Variants in CYB5R3 observed in about 807,000 individuals in gnomAD.
CYB5R3 encodes NADH-cytochrome b5 reductase 3.
In CYB5R3, 28 loss-of-function variants were observed where a neutral mutation model predicts 36.5. The ratio of observed to expected loss-of-function variants is 0.77; its 90% confidence interval spans 0.57 to 1.05. The LOEUF (loss-of-function observed/expected upper bound fraction) is 1.05. Ranked by LOEUF, CYB5R3 falls within the 50% of genes least tolerant of loss-of-function variation. CYB5R3 has a pLI of 0.00. For synonymous variants in CYB5R3, 181 were observed against 159.8 expected, an observed-to-expected ratio of 1.13 and a Z score of -1.00; for missense variants, 474 against 408.9, an observed-to-expected ratio of 1.16 and a Z score of -1.37.
rs1345033064 is a variant in CYB5R3 at position 42,642,814 on chromosome 22, A to G, written c.22-5968T>C. Among the ~76,000 whole-genome samples, 3 of 152,380 alleles carry G rather than the reference A, an allele frequency of 2.0e-5. No homozygotes were observed. In the East Asian group the frequency reaches 5.8e-4, roughly 29 times the overall value. The stretch of plus-strand genomic sequence containing the variant: ...GTTCAACTAGAGAGGCTGAGAAGCC[A>G]AAGTTCATATAAAACACTGGCTCTC... On this transcript the variant is annotated intron_variant, in intron 1 of 8. Coordinates refer to ENST00000352397, the MANE Select transcript of CYB5R3 (RefSeq NM_000398.7).
chr22:42,646,320 C>G (rs1213380389), intron 1 of CYB5R3, among the ~76,000 whole-genome samples: 5 of 152,180 alleles, frequency 3.3e-5, no homozygotes, highest in Non-Finnish European at 7.4e-5. Flanking sequence ...TCTGCCCCAC[C>G]AGGGAACCCA....
rs1005518445 is a variant in CYB5R3 at position 42,631,099 on chromosome 22, C to T, written c.227-111G>A. 25 of 1,035,168 alleles carry T rather than the reference C, an allele frequency of 2.4e-5. No homozygotes were observed. The East Asian group carries it at 5.2e-4, about 21-fold the overall frequency. The allele number at this position is 1,035,168 out of a possible 1,614,324, so 64.1% of individuals were successfully genotyped here. ...ACCCGGCATTCAAAGCCTGGCCTGG[C>T]GTCAGCTCCCACGGCCCCCTCCCAC... On this transcript the variant is annotated intron_variant, in intron 3 of 8. Transcript: ENST00000352397.
rs1928607059 is a variant in CYB5R3 at position 42,631,361 on chromosome 22, G to C, written c.226+17C>G. 1.3e-6 allele frequency: 2 copies of C among 1,551,086 alleles called. No homozygotes were observed. The highest frequency in any genetic ancestry group is 1.7e-6 in the Non-Finnish European group (2 of 1,146,636). On this transcript the variant is annotated intron_variant, in intron 3 of 8. Transcript: ENST00000352397. ...GCCTGCCGGGCTCCGAATGGGCCCA[G>C]CAGGGGCGTGACTCACCGACAGGGA...
chr22:42,636,862 C>A lies in CYB5R3; in HGVS notation c.22-16G>T, dbSNP rs761034596. The A allele has an allele frequency of 1.9e-6, 3 of 1,612,284 alleles. No individual in the cohort carries two copies. The highest frequency in any genetic ancestry group is 2.7e-5 in the African/African-American group (2 of 74,922). ...TATGGCCCAACTGAAACGACAGGAC[C>A]CGCGGGGTCAGTGCAGGAGCCTGCC... On this transcript the variant is annotated splice_polypyrimidine_tract_variant and intron_variant, in intron 1 of 8. Coordinates refer to ENST00000352397, the MANE Select transcript of CYB5R3 (RefSeq NM_000398.7).
chr22:42,619,480 T>G lies in CYB5R3; in HGVS notation c.*293A>C. On this transcript the variant is annotated 3_prime_UTR_variant, in exon 9 of 9. Coordinates refer to ENST00000352397, the MANE Select transcript of CYB5R3 (RefSeq NM_000398.7). ...GCTGGCAGCCCTCAGCCTTATAGTG[T>G]GTGTGGGGGGTGGACGAGGGGTCAT... 1 of 471,730 alleles carries G rather than the reference T, an allele frequency of 2.1e-6. No homozygotes were observed. 29.2% of individuals were successfully genotyped at this position (471,730 alleles called of 1,614,324 possible). A position where few individuals can be genotyped will look rare whatever the true frequency, so the allele number is the denominator to read the frequency against.
rs774242947 is a variant in CYB5R3, at chr22:42,631,422, C to G, written c.182G>C (p.Arg61Pro). ...EIISHDTRRFRFALPSPQHIL... is the reference protein window; with the variant it reads ...EIISHDTRRFPFALPSPQHIL... ...GTGCTGGGGTGACGGCAGGGCAAAG[C>G]GGAAGCGCCGGGTGTCATGGCTGAT... The change falls in exon 3 of 9, where the codon CGC (arginine) becomes CCC (proline). Residue 61 changes from arginine (R) to proline (P), a missense_variant. By Grantham distance (103) the Arg-to-Pro change is moderately radical (BLOSUM62 -2). Transcript: ENST00000352397. The G allele has an allele frequency of 2.6e-6, 4 of 1,551,488 alleles. No homozygotes were observed. The highest frequency in any genetic ancestry group is 3.5e-6 in the Non-Finnish European group (4 of 1,146,966).
At chr22:42,646,894 C>T (rs1929564127) in intron 1 of CYB5R3, 1 of 985,408 alleles carries the variant, frequency 1.0e-6, no homozygotes, top group Non-Finnish European at 1.2e-6. Context: ...ACCTGTCAGC[C>T]TGTCAGGGTC....
chr22:42,644,272 T>C (rs1190304229), intron 1 of CYB5R3: 1 of 645,034 alleles, frequency 1.6e-6, no homozygotes, highest in Admixed American at 2.2e-5. Flanking sequence ...CCTGAGCACC[T>C]GCCCCCAGCC....
chr22:42,628,763 A>G (rs1928446052), intron 4 of CYB5R3, among the ~76,000 whole-genome samples: 1 of 152,188 alleles, frequency 6.6e-6, no homozygotes, highest in Admixed American at 6.5e-5. Flanking sequence ...GTCTTGGGAA[A>G]GAGAAGGGCC....
At chr22:42,623,749 G>A (rs1928110281) in intron 8 of CYB5R3, 40 bp downstream of exon 8, 2 of 1,548,464 alleles carry the variant, frequency 1.3e-6, no homozygotes, top group Non-Finnish European at 1.8e-6. Context: ...CTGTGGGCTG[G>A]CACCTCCCAC....
chr22:42,628,943 T>TGTGGAGGCAGAGGGGA (rs1257070877), intron 4 of CYB5R3, among the ~76,000 whole-genome samples: 6 of 151,746 alleles, frequency 4.0e-5, no homozygotes, highest in African/African-American at 1.5e-4. Context: ...GGCTATGGGG[T>TGTGGAGGCAGAGGGGA]GTGGAGGCAG....
chr22:42,636,618 C>T, intron 2 of CYB5R3, 97 bp downstream of exon 2: 1 of 1,540,706 alleles, frequency 6.5e-7, no homozygotes, highest in Non-Finnish European at 8.7e-7. Context: ...GGGTGGACAA[C>T]AGTATCTACT....
chr22:42,641,970 CATT>C (rs1929298402), intron 1 of CYB5R3, among the ~76,000 whole-genome samples: 1 of 152,194 alleles, frequency 6.6e-6, no homozygotes, highest in Admixed American at 6.6e-5. Context: ...ACCCCCATAC[CATT>C]CAAGGGTCCA....
chr22:42,620,037 C>G (rs1399085841), intron 8 of CYB5R3, 92 bp from the exon 9 acceptor site: 2 of 1,242,196 alleles, frequency 1.6e-6, no homozygotes, highest in Admixed American at 2.0e-5. Flanking sequence ...TCCTTAAATG[C>G]TGAAGAATGG....
At chr22:42,628,109 C>T (rs1928390876) in intron 5 of CYB5R3, 43 bp downstream of exon 5, 1 of 1,612,618 alleles carries the variant, frequency 6.2e-7, no homozygotes, top group South Asian at 1.1e-5. Flanking sequence ...CTCTCCAATT[C>T]TCTGAGCCTG....
intron 3 of CYB5R3, 98 bp downstream of exon 3, chr22:42,631,280 C>T (rs989681813): frequency 1.6e-6 from 2 of 1,278,826 alleles, no homozygotes; most frequent in African/African-American, 1.5e-5. Context: ...GAAGGCTTCC[C>T]TGCTCTCCCT....
chr22:42,630,451 G>A (rs1200551448), intron 4 of CYB5R3, among the ~76,000 whole-genome samples: 2 of 152,224 alleles, frequency 1.3e-5, no homozygotes, highest in Non-Finnish European at 2.9e-5. Context: ...ATCTCCCAGC[G>A]TGAGAGCAGG....
chr22:42,640,042 A>G (rs1462063315), intron 1 of CYB5R3: 1 of 1,613,646 alleles, frequency 6.2e-7, no homozygotes, highest in Non-Finnish European at 8.5e-7. Context: ...AGTGGCCACC[A>G]AACCGTTCAG....
intron 1 of CYB5R3, among the ~76,000 whole-genome samples, chr22:42,641,311 TTTC>T (rs1020327219): frequency 1.2e-4 from 19 of 152,092 alleles, no homozygotes; most frequent in African/African-American, 4.6e-4. Flanking sequence ...ATACATGGAT[TTTC>T]TTTTTTTTTT....
Sources: allele counts gnomAD v4.1 joint callset (sites outside exome capture counted in the v4.1 genomes callset), GRCh38; gene constraint gnomAD v4.1.1; transcripts MANE v1.5; gene names NCBI Gene and HGNC (gene_info 2026-07-23, HGNC 2026-07-21).